Variants in BLTP1 observed in about 807,000 individuals in gnomAD.
BLTP1 encodes the protein bridge-like lipid transfer protein family member 1, also known as fragile site-associated protein.
the BLTP1 span, chr4:122,207,101 T>TAGAATTGTG: frequency 6.3e-7 from 1 of 1,589,336 alleles, no homozygotes; most frequent in East Asian, 2.3e-5. Context: ...ACTACCCCAA[T>TAGAATTGTG]AATTTTAGAT....
chr4:122,351,641 G>T, the BLTP1 span, among the ~76,000 whole-genome samples: 1 of 152,112 alleles, frequency 6.6e-6, no homozygotes, highest in African/African-American at 2.4e-5. Context: ...CTGTCCTAAA[G>T]AATTCCCTAC....
chr4:122,286,921 C>G, the BLTP1 span: 3 of 734,008 alleles, frequency 4.1e-6, no homozygotes, highest in Non-Finnish European at 6.5e-6. Context: ...AATTCTATAC[C>G]AAATCAAGTG....
At chr4:122,352,880 ATG>A in the BLTP1 span, 2 of 1,611,840 alleles carry the variant, frequency 1.2e-6, no homozygotes, top group Non-Finnish European at 1.7e-6. Flanking sequence ...ACTTCAGGAT[ATG>A]TGTTTTTTGG....
the BLTP1 span, chr4:122,352,825 C>A: frequency 6.5e-7 from 1 of 1,542,258 alleles, no homozygotes; most frequent in Non-Finnish European, 8.7e-7. Flanking sequence ...TAGAAAGTAG[C>A]CACTTGCTGC....
chr4:122,288,991 A>G, the BLTP1 span: 1 of 1,312,992 alleles, frequency 7.6e-7, no homozygotes, highest in South Asian at 1.5e-5. Flanking sequence ...TATAGAGATA[A>G]TTATCTCTTT....
At chr4:122,312,631 A>G in the BLTP1 span, 1 of 149,600 alleles carries the variant, frequency 6.7e-6, no homozygotes, top group Non-Finnish European at 1.5e-5. Flanking sequence ...TACAGTTCAA[A>G]GGTATAATTT....
the BLTP1 span, chr4:122,313,789 T>A: frequency 2.2e-5 from 14 of 642,116 alleles, no homozygotes; most frequent in Admixed American, 3.1e-5. Context: ...TTCACTAATT[T>A]AAAAAAAAAC....
At chr4:122,232,067 A>G in the BLTP1 span, 3 of 985,252 alleles carry the variant, frequency 3.0e-6, no homozygotes, top group African/African-American at 3.5e-5. Flanking sequence ...TGCGAATGGA[A>G]CTAAGGAGGT....
At chr4:122,224,929 CTT>C in the BLTP1 span, 1 of 1,271,808 alleles carries the variant, frequency 7.9e-7, no homozygotes, top group African/African-American at 1.5e-5. Flanking sequence ...GAATTTGAGA[CTT>C]TCTTTGGGAA....
the BLTP1 span, chr4:122,184,955 A>T: frequency 2.7e-5 from 27 of 984,256 alleles, no homozygotes; most frequent in Non-Finnish European, 3.3e-5. Flanking sequence ...TAGCCCATTT[A>T]CGCCAGTCTT....
At chr4:122,234,122 A>G in the BLTP1 span, 1 of 168,974 alleles carries the variant, frequency 5.9e-6, no homozygotes, top group African/African-American at 2.4e-5. Context: ...TGTTTAAGAA[A>G]AGAGGGGAGT....
the BLTP1 span, chr4:122,336,519 C>T: frequency 2.0e-6 from 1 of 503,826 alleles, no homozygotes; most frequent in Non-Finnish European, 2.6e-6. Context: ...TTGTCATTTA[C>T]AAATGAAGAA....
the BLTP1 span, among the ~76,000 whole-genome samples, chr4:122,166,121 T>C: frequency 6.6e-5 from 10 of 152,322 alleles, no homozygotes; most frequent in African/African-American, 2.4e-4. Context: ...CCATTGCTTT[T>C]GGTATTTTAG....
chr4:122,224,412 C>G, the BLTP1 span: 1 of 1,357,466 alleles, frequency 7.4e-7, no homozygotes, highest in South Asian at 1.5e-5. Flanking sequence ...TATTGTTCAT[C>G]TCTGCAGGGG....
the BLTP1 span, chr4:122,250,007 T>C: frequency 1.1e-6 from 1 of 942,260 alleles, no homozygotes; most frequent in Non-Finnish European, 1.3e-6. Context: ...AGTAGAATTA[T>C]GCCATATAGG....
chr4:122,315,662 G>C, the BLTP1 span: 1 of 1,614,044 alleles, frequency 6.2e-7, no homozygotes, highest in Non-Finnish European at 8.5e-7. Flanking sequence ...GGATGAAGTT[G>C]ATACTATGTC....
chr4:122,290,904 T>C, the BLTP1 span: 1 of 222,964 alleles, frequency 4.5e-6, no homozygotes, highest in African/African-American at 2.4e-5. Context: ...ATATAATATA[T>C]AATTAAAAAA....
chr4:122,216,358 T>C, the BLTP1 span, among the ~76,000 whole-genome samples: 2 of 152,158 alleles, frequency 1.3e-5, no homozygotes, highest in African/African-American at 4.8e-5. Context: ...TCCATAGTGG[T>C]TGTACTAGTT....
At chr4:122,198,418 G>A in the BLTP1 span, 3 of 985,252 alleles carry the variant, frequency 3.0e-6, no homozygotes, top group Non-Finnish European at 3.6e-6. Context: ...GGGGTATAAA[G>A]GCAGTTGAGA....
Sources: allele counts gnomAD v4.1 joint callset (sites outside exome capture counted in the v4.1 genomes callset), GRCh38; gene constraint gnomAD v4.1.1; transcripts MANE v1.5; gene names NCBI Gene and HGNC (gene_info 2026-07-23, HGNC 2026-07-21).